Variants in TFEC observed in about 807,000 individuals in gnomAD.
TFEC encodes the protein class E basic helix-loop-helix protein 34.
Under a neutral mutation model 41.6 loss-of-function variants are expected in TFEC, and 31 were observed. That is an observed-to-expected ratio of 0.74 (90% CI 0.56 to 1.01). The LOEUF is 1.01. TFEC is among the 50% of genes least tolerant of loss of function. The pLI, the probability that TFEC is intolerant of heterozygous loss-of-function variation, is 0.00. For missense variants in TFEC, 402 were observed against 404.1 expected (o/e 0.99, Z 0.04); for synonymous variants, 143 against 140.6 (o/e 1.02, Z -0.12).
chr7:116,129,364 A>G (rs1372507348), intron 1 of TFEC, among the ~76,000 whole-genome samples: 1 of 151,618 alleles, frequency 6.6e-6, no homozygotes, highest in Admixed American at 6.6e-5. Flanking sequence ...TGACTCAGGT[A>G]TATCACTCAG....
In TFEC at chr7:115,939,555, A is replaced by G. The variant is rs534580880; in HGVS notation, c.*996T>C. 1.3e-5 allele frequency: 2 copies of G among 152,178 alleles called. No individual in the cohort carries two copies. Among genetic ancestry groups the G allele is most frequent in the African/African-American group, 4.8e-5 (2 of 41,564 alleles). The allele number at this position is 152,178 out of a possible 1,614,324, so 9.4% of individuals were successfully genotyped here. A position where few individuals can be genotyped will look rare whatever the true frequency, so the allele number is the denominator to read the frequency against. ...CAATATTTTATCCATTTGGAGAAAA[A>G]CCAAATCAACAACTAATTGATTTCT... is the stretch of plus-strand genomic sequence containing the variant. On this transcript the variant is annotated 3_prime_UTR_variant, in exon 8 of 8. Transcript: ENST00000265440.
chr7:116,075,004 T>C (rs1796922830), intron 3 of TFEC, among the ~76,000 whole-genome samples: 1 of 152,150 alleles, frequency 6.6e-6, no homozygotes, highest in Admixed American at 6.5e-5. Context: ...GTTATGCTTA[T>C]TCAAAGACAC....
At chr7:116,039,300 T>G (rs964531325) in intron 3 of TFEC, among the ~76,000 whole-genome samples, 1 of 151,834 alleles carries the variant, frequency 6.6e-6, no homozygotes, top group Non-Finnish European at 1.5e-5. Flanking sequence ...TAAGTACAAA[T>G]AAGAAGAAGA....
At chr7:115,995,870 G>A (rs116846638) in intron 1 of TFEC, among the ~76,000 whole-genome samples, 90 of 152,310 alleles carry the variant, frequency 5.9e-4, no homozygotes, top group Non-Finnish European at 7.6e-4. Flanking sequence ...GCTGGCACCC[G>A]CAGAGGGAGC....
At chr7:116,015,819 AAAG>A (rs1429804466) in intron 1 of TFEC, among the ~76,000 whole-genome samples, 6 of 152,166 alleles carry the variant, frequency 3.9e-5, no homozygotes, top group East Asian at 3.9e-4. Flanking sequence ...ATGTTGAAGG[AAAG>A]AAGAAGAATT....
intron 3 of TFEC, among the ~76,000 whole-genome samples, chr7:116,070,773 A>T (rs190581464): frequency 6.6e-6 from 1 of 151,532 alleles, no homozygotes; most frequent in Admixed American, 6.6e-5. Flanking sequence ...TATCCTTATT[A>T]TACAACTTTA....
Position 115,954,682 on chromosome 7 carries a change from A to C in TFEC, c.383-40T>G, listed in dbSNP as rs201980202. On this transcript the variant is annotated intron_variant, in intron 4 of 7. Transcript: ENST00000265440. ...AATAATAAAAACCATGCTTAGTTCTACCTTAAAACCCCTCCAGGCAACATA... is the reference window on the plus strand; with the variant it reads ...AATAATAAAAACCATGCTTAGTTCTCCCTTAAAACCCCTCCAGGCAACATA... 1.2e-4 allele frequency: 178 copies of C among 1,508,624 alleles called. No homozygotes were observed. In the Middle Eastern group the frequency reaches 1.4e-3, roughly 12 times the overall value. 93.5% of individuals were successfully genotyped at this position (1,508,624 alleles called of 1,614,324 possible). A position where few individuals can be genotyped will look rare whatever the true frequency, so the allele number is the denominator to read the frequency against.
intron 1 of TFEC, among the ~76,000 whole-genome samples, chr7:116,126,220 C>T (rs1164998140): frequency 3.9e-5 from 6 of 152,106 alleles, no homozygotes; most frequent in Admixed American, 2.0e-4. Context: ...TTGATAACCT[C>T]AAAATAAAAC....
At position 115,950,920 on chromosome 7, in the gene TFEC, A is replaced by C. The variant is rs747029982; in HGVS notation, c.469T>G (p.Tyr157Asp). ...IERRRRYNIN[Y>D]RIKELGTLIP... ...AGAGTGCCAAGCTCCTTGATTCGGTAATTAATATTATACCTTCTTCTTCTT... is the reference window on the plus strand; with the variant it reads ...AGAGTGCCAAGCTCCTTGATTCGGTCATTAATATTATACCTTCTTCTTCTT... Residue 157 changes from tyrosine (Y) to aspartate (D), a missense_variant, in exon 6 of 8, where the codon TAC (tyrosine) becomes GAC (aspartate). Transcript: ENST00000265440. The C allele has an allele frequency of 6.2e-7, 1 of 1,602,022 alleles. No homozygotes were observed. Among genetic ancestry groups the C allele is most frequent in the Admixed American group, 1.7e-5 (1 of 59,450 alleles).
At chr7:115,944,013 A>ATTTTTTTTTTTTTTTT (rs1160114562) in intron 6 of TFEC, among the ~76,000 whole-genome samples, 851 of 22,778 alleles carry the variant, frequency 0.037, 241 homozygotes, top group Middle Eastern at 0.094. Flanking sequence ...ACAGGTCTGA[A>ATTTTTTTTTTTTTTTT]TTTTTTTTTT....
chr7:116,116,555 G>C (rs1797993043), intron 1 of TFEC, among the ~76,000 whole-genome samples: 1 of 151,936 alleles, frequency 6.6e-6, no homozygotes, highest in South Asian at 2.1e-4. Flanking sequence ...ATATAAAATA[G>C]AGAAAGGATT....
intron 1 of TFEC, among the ~76,000 whole-genome samples, chr7:116,024,903 T>TTTG (rs1032535252): frequency 6.6e-6 from 1 of 152,186 alleles, no homozygotes; most frequent in African/African-American, 2.4e-5. Flanking sequence ...TGCTTGCTCT[T>TTTG]TTGTTGTTGT....
At chr7:116,008,892 T>C (rs898905308) in intron 1 of TFEC, among the ~76,000 whole-genome samples, 2 of 152,184 alleles carry the variant, frequency 1.3e-5, no homozygotes, top group African/African-American at 2.4e-5. Context: ...GATAATAATA[T>C]AAAATGTGAT....
At chr7:116,084,770 T>C (rs1313644645) in intron 3 of TFEC, among the ~76,000 whole-genome samples, 2 of 151,956 alleles carry the variant, frequency 1.3e-5, no homozygotes, top group African/African-American at 4.8e-5. Flanking sequence ...TGTTTTTCTA[T>C]GTATTTCAGT....
intron 1 of TFEC, among the ~76,000 whole-genome samples, chr7:115,985,820 AT>A (rs1434545545): frequency 1.3e-5 from 2 of 152,010 alleles, no homozygotes; most frequent in Admixed American, 1.3e-4. Flanking sequence ...GCCAGTGGTA[AT>A]TTTTTTAGGG....
chr7:116,009,926 C>G (rs1794936597), intron 1 of TFEC, among the ~76,000 whole-genome samples: 1 of 152,072 alleles, frequency 6.6e-6, no homozygotes, highest in South Asian at 2.1e-4. Flanking sequence ...ACTTTGAGCA[C>G]ATAGGAAAAG....
chr7:116,056,576 G>A (rs746682120), intron 3 of TFEC, among the ~76,000 whole-genome samples: 3 of 152,064 alleles, frequency 2.0e-5, no homozygotes, highest in African/African-American at 7.2e-5. Context: ...CATGGCATTG[G>A]ATAGAAAGCA....
At chr7:116,090,011 G>A (rs1031940717) in intron 3 of TFEC, among the ~76,000 whole-genome samples, 7 of 152,082 alleles carry the variant, frequency 4.6e-5, no homozygotes, top group African/African-American at 1.7e-4. Context: ...TCTGAAGGCA[G>A]GGGACCTAAG....
rs1455440829 is a variant in TFEC, at chr7:115,936,281, A to G, written c.*4270T>C. On this transcript the variant is annotated 3_prime_UTR_variant, in exon 8 of 8. Coordinates refer to ENST00000265440, the MANE Select transcript of TFEC (RefSeq NM_012252.4). The stretch of plus-strand genomic sequence containing the variant: ...TATATGTATACTAAGTCAAACTGAC[A>G]TACTTATCAACATATAGGGCACTGG... 1 of 151,682 alleles carries G rather than the reference A, an allele frequency of 6.6e-6. No homozygotes were observed. The highest frequency in any genetic ancestry group is 1.5e-5 in the Non-Finnish European group (1 of 67,626). The allele number at this position is 151,682 out of a possible 1,614,324, so 9.4% of individuals were successfully genotyped here.
Sources: gnomAD v4.1 joint callset for allele counts (sites outside exome capture counted in the v4.1 genomes callset) on GRCh38, gnomAD v4.1.1 for gene constraint, MANE v1.5 for transcripts, NCBI Gene and HGNC (gene_info 2026-07-23, HGNC 2026-07-21) for gene names.